Variants in CLYBL observed in about 807,000 individuals in gnomAD.
CLYBL encodes citramalyl-CoA lyase, mitochondrial.
A neutral mutation model predicts 38.9 loss-of-function variants in CLYBL; 31 were observed. The ratio of observed to expected loss-of-function variants is 0.80; its 90% CI spans 0.60 to 1.08. The LOEUF is 1.08. Among genes scored for constraint, CLYBL ranks in the 50% least tolerant of loss-of-function variants. The pLI is 0.00. For synonymous variants in CLYBL, 171 were observed against 158.6 expected (o/e 1.08, Z -0.59); for missense variants, 434 against 411.6 (o/e 1.05, Z -0.47).
intron 1 of CLYBL, among the ~76,000 whole-genome samples, chr13:99,658,212 C>T (rs1014632303): frequency 4.6e-5 from 7 of 152,234 alleles, no homozygotes; most frequent in African/African-American, 1.7e-4. Context: ...TGCCATGGCG[C>T]CCCCTCCTAC....
intron 1 of CLYBL, among the ~76,000 whole-genome samples, chr13:99,724,205 T>A (rs1438854461): frequency 6.6e-6 from 1 of 152,202 alleles, no homozygotes; most frequent in Non-Finnish European, 1.5e-5. Context: ...ACAATGGGGC[T>A]GAATGTCTGT....
At chr13:99,668,364 C>T (rs2047514374) in intron 1 of CLYBL, among the ~76,000 whole-genome samples, 1 of 151,862 alleles carries the variant, frequency 6.6e-6, no homozygotes. Context: ...GCAGGTGGAT[C>T]ACCTGAGGCC....
intron 8 of CLYBL, among the ~76,000 whole-genome samples, chr13:99,902,913 A>G (rs1224052435): frequency 6.6e-6 from 1 of 152,230 alleles, no homozygotes; most frequent in African/African-American, 2.4e-5. Context: ...TACTTTTTTC[A>G]AAACTTTCAA....
chr13:99,799,458 A>G (rs2050088508), intron 2 of CLYBL, among the ~76,000 whole-genome samples: 1 of 151,960 alleles, frequency 6.6e-6, no homozygotes, highest in Non-Finnish European at 1.5e-5. Context: ...AGTCTTAGCA[A>G]TTGGTTTTCA....
chr13:99,639,421 A>G (rs138562607), intron 1 of CLYBL, among the ~76,000 whole-genome samples: 2 of 152,376 alleles, frequency 1.3e-5, no homozygotes, highest in Admixed American at 6.5e-5. Context: ...AACCATAACA[A>G]TAAATCCTTG....
intron 1 of CLYBL, among the ~76,000 whole-genome samples, chr13:99,622,119 G>A (rs1037151628): frequency 6.6e-6 from 1 of 152,168 alleles, no homozygotes; most frequent in African/African-American, 2.4e-5. Context: ...CCATCTCTCG[G>A]GTTCTGTTGC....
chr13:99,805,870 A>G (rs2050222476), intron 2 of CLYBL, among the ~76,000 whole-genome samples: 1 of 152,136 alleles, frequency 6.6e-6, no homozygotes, highest in Non-Finnish European at 1.5e-5. Flanking sequence ...TAATTTTTAC[A>G]TGGTTGCGTT....
In CLYBL at chr13:99,655,276, A is replaced by G. The variant is rs542339702; in HGVS notation, c.62+48519A>G. Among the ~76,000 whole-genome samples the G allele has an allele frequency of 2.5e-3, 385 of 152,034 alleles. 1 individual carries two copies. Among genetic ancestry groups the G allele is most frequent in the Middle Eastern group, 6.8e-3 (2 of 294 alleles). ...TTTTTAGTAGAGACGGGGTTTTACC[A>G]TGTTGGCCAGGCTGGTCTTGAACTC... On this transcript the variant is annotated intron_variant, in intron 1 of 8. Transcript: ENST00000339105.
rs564380385 is a variant in CLYBL, at chr13:99,886,963, G to A, written c.928-4355G>A. Among the ~76,000 whole-genome samples the A allele has an allele frequency of 2.6e-5, 4 of 152,314 alleles. No individual in the cohort carries two copies. In the East Asian group the frequency reaches 5.8e-4, roughly 22 times the overall value. ...CTCGGTCCATACTTGATGGATGAAT[G>A]GATAAGTGGTGACTAACCTAAGGAA... On this transcript the variant is annotated intron_variant, in intron 7 of 8. Transcript: ENST00000339105.
intron 1 of CLYBL, among the ~76,000 whole-genome samples, chr13:99,680,749 G>C (rs573508235): frequency 2.0e-5 from 3 of 152,294 alleles, no homozygotes; most frequent in Non-Finnish European, 4.4e-5. Flanking sequence ...CCCTCTTTCT[G>C]TGTAGTAGCA....
rs563047404 is a variant in CLYBL, at chr13:99,741,559, G to A, written c.63-31265G>A. 2.7e-3 allele frequency among the ~76,000 whole-genome samples: 404 copies of A among 151,884 alleles called. 3 individuals are homozygous for A. Among genetic ancestry groups the A allele is most frequent in the African/African-American group, 9.3e-3 (385 of 41,510 alleles). On this transcript the variant is annotated intron_variant, in intron 1 of 8. Coordinates refer to ENST00000339105, the MANE Select transcript of CLYBL (RefSeq NM_206808.5). ...AGCATATGTATCTTTTTTTTGGGGG[G>A]TGGGGGTCGGGGGACGGAGTCCCAC... is the stretch of plus-strand genomic sequence containing the variant.
intron 1 of CLYBL, among the ~76,000 whole-genome samples, chr13:99,751,227 G>GT (rs1437541711): frequency 0.012 from 1,768 of 143,152 alleles, 19 homozygotes; most frequent in East Asian, 0.095. Flanking sequence ...AAGTTTTTTT[G>GT]TTTTTTTTTT....
In CLYBL at chr13:99,662,435, G is replaced by A. The variant is rs567001476; in HGVS notation, c.62+55678G>A. Among the ~76,000 whole-genome samples, 86 of 151,162 alleles carry A rather than the reference G, an allele frequency of 5.7e-4. 1 individual carries two copies. The highest frequency in any genetic ancestry group is 1.9e-3 in the African/African-American group (78 of 41,204). On this transcript the variant is annotated intron_variant, in intron 1 of 8. Coordinates refer to ENST00000339105, the MANE Select transcript of CLYBL (RefSeq NM_206808.5). ...TTCATAGAGAATCAGATTAGTTACT[G>A]ATGTTAGACTATTGGTTCTATTTCG...
chr13:99,726,387 G>T (rs781438641), intron 1 of CLYBL: 1 of 152,212 alleles, frequency 6.6e-6, no homozygotes, highest in Non-Finnish European at 1.5e-5. Context: ...TTGGTAATCA[G>T]GTTTAACTCT....
chr13:99,745,521 T>G (rs746583444), intron 1 of CLYBL, among the ~76,000 whole-genome samples: 1 of 152,208 alleles, frequency 6.6e-6, no homozygotes, highest in Non-Finnish European at 1.5e-5. Context: ...TTACCTTAAA[T>G]AGATATTTAA....
intron 1 of CLYBL, among the ~76,000 whole-genome samples, chr13:99,770,080 CTTTTTTT>C (rs3033589): frequency 2.9e-5 from 3 of 103,188 alleles, no homozygotes; most frequent in South Asian, 3.1e-4. Flanking sequence ...TCTTTTCTTT[CTTTTTTT>C]TTTTTTTTTT....
At chr13:99,889,800 A>G (rs767769529) in intron 7 of CLYBL, among the ~76,000 whole-genome samples, 6 of 152,180 alleles carry the variant, frequency 3.9e-5, no homozygotes, top group Non-Finnish European at 8.8e-5. Context: ...CCTCATCATG[A>G]GAGCCCAGCA....
intron 1 of CLYBL, among the ~76,000 whole-genome samples, chr13:99,741,016 C>A (rs146399073): frequency 1.3e-5 from 2 of 152,154 alleles, no homozygotes; most frequent in African/African-American, 4.8e-5. Context: ...TTACTGGAGA[C>A]AAATTGAAGT....
intron 2 of CLYBL, among the ~76,000 whole-genome samples, chr13:99,810,463 T>G (rs374556371): frequency 1.8e-4 from 28 of 152,046 alleles, no homozygotes; most frequent in East Asian, 1.2e-3. Context: ...GGGAGGCACA[T>G]GCCAAAGCCG....
Sources: gnomAD v4.1 joint callset for allele counts (sites outside exome capture counted in the v4.1 genomes callset) on GRCh38, gnomAD v4.1.1 for gene constraint, MANE v1.5 for transcripts, NCBI Gene and HGNC (gene_info 2026-07-23, HGNC 2026-07-21) for gene names.